The following SPOCK3 variants were observed in gnomAD, a reference collection of about 807,000 sequenced individuals.
SPOCK3 encodes the protein SPARC (osteonectin), cwcv and kazal like domains proteoglycan 3, also known as testican-3.
Under a neutral mutation model 56.6 loss-of-function variants are expected in SPOCK3, and 30 were observed. The ratio of observed to expected loss-of-function variants is 0.53; its 90% CI spans 0.40 to 0.72. The LOEUF is 0.72. Among genes scored for constraint, SPOCK3 ranks in the 30% least tolerant of loss-of-function variants. The pLI, the probability that SPOCK3 is intolerant of heterozygous loss-of-function variation, is 0.00. For synonymous variants in SPOCK3, 196 were observed against 183.3 expected (o/e 1.07, Z -0.56); for missense variants, 527 against 530.0 (o/e 0.99, Z 0.06).
At chr4:167,116,734 C>CATATAGTATATATACGT (rs1254505974) in intron 2 of SPOCK3, among the ~76,000 whole-genome samples, 9 of 130,786 alleles carry the variant, frequency 6.9e-5, no homozygotes, top group African/African-American at 2.5e-4. Flanking sequence ...TATATACACA[C>CATATAGTATATATACGT]ATATAGTATA....
intron 2 of SPOCK3, among the ~76,000 whole-genome samples, chr4:167,128,970 T>C (rs1326983155): frequency 2.0e-5 from 3 of 152,112 alleles, no homozygotes; most frequent in Non-Finnish European, 4.4e-5. Context: ...GTGAAATGCA[T>C]TGATGAGAAA....
At chr4:167,199,761 C>T (rs1376590621) in intron 2 of SPOCK3, among the ~76,000 whole-genome samples, 1 of 148,908 alleles carries the variant, frequency 6.7e-6, no homozygotes, top group African/African-American at 2.4e-5. Flanking sequence ...ATACAAGTAT[C>T]TATGATTATC....
At chr4:167,169,958 C>T (rs565374034) in intron 2 of SPOCK3, among the ~76,000 whole-genome samples, 48 of 152,228 alleles carry the variant, frequency 3.2e-4, no homozygotes, top group Non-Finnish European at 5.3e-4. Flanking sequence ...TGTGACTTTG[C>T]TTTTCATTCT....
chr4:167,202,872 C>T (rs1733655620), intron 2 of SPOCK3, among the ~76,000 whole-genome samples: 1 of 151,666 alleles, frequency 6.6e-6, no homozygotes, highest in African/African-American at 2.4e-5. Flanking sequence ...ACCATTTGGC[C>T]TATATTTAAA....
intron 2 of SPOCK3, among the ~76,000 whole-genome samples, chr4:167,154,077 T>A (rs1358847161): frequency 6.6e-6 from 1 of 152,154 alleles, no homozygotes; most frequent in Non-Finnish European, 1.5e-5. Flanking sequence ...TCTGTTATAT[T>A]TTGATAAATT....
chr4:166,755,391 G>A (rs996656063), intron 7 of SPOCK3, among the ~76,000 whole-genome samples: 1 of 152,094 alleles, frequency 6.6e-6, no homozygotes, highest in African/African-American at 2.4e-5. Flanking sequence ...ACGGAACTGG[G>A]TTTGTATTCA....
intron 4 of SPOCK3, among the ~76,000 whole-genome samples, chr4:166,925,387 A>C (rs947271567): frequency 1.2e-4 from 18 of 152,198 alleles, no homozygotes; most frequent in African/African-American, 3.6e-4. Context: ...AGAAGAAAAA[A>C]CGTATTCCCC....
chr4:166,813,134 A>T (rs1744010995), intron 6 of SPOCK3, among the ~76,000 whole-genome samples: 1 of 152,108 alleles, frequency 6.6e-6, no homozygotes, highest in Non-Finnish European at 1.5e-5. Context: ...CATAAACCTT[A>T]AAATGATTTA....
intron 3 of SPOCK3, among the ~76,000 whole-genome samples, chr4:167,013,305 C>A (rs944234519): frequency 6.6e-6 from 1 of 151,766 alleles, no homozygotes; most frequent in Non-Finnish European, 1.5e-5. Context: ...ATTTATTCTA[C>A]TATTGTTCTA....
At chr4:166,981,953 C>T (rs1746623847) in intron 4 of SPOCK3, among the ~76,000 whole-genome samples, 1 of 152,206 alleles carries the variant, frequency 6.6e-6, no homozygotes, top group Admixed American at 6.5e-5. Flanking sequence ...AGAGCAGATG[C>T]CAGAGTTCGG....
At chr4:166,870,145 G>T (rs1276678240) in intron 6 of SPOCK3, among the ~76,000 whole-genome samples, 1 of 151,992 alleles carries the variant, frequency 6.6e-6, no homozygotes, top group Non-Finnish European at 1.5e-5. Context: ...TCACCAGAGG[G>T]CAATGCTGGT....
At chr4:166,752,571 TATACACACAC>T (rs1404318804) in intron 8 of SPOCK3, among the ~76,000 whole-genome samples, 135 of 13,318 alleles carry the variant, frequency 0.01, 1 homozygote, top group African/African-American at 0.033. Flanking sequence ...TATATATATA[TATACACACAC>T]ACACACACAC....
At chr4:167,016,878 T>A (rs370036403) in intron 3 of SPOCK3, among the ~76,000 whole-genome samples, 78 of 152,224 alleles carry the variant, frequency 5.1e-4, no homozygotes, top group African/African-American at 1.8e-3. Context: ...GCTTTGGAAG[T>A]GTTTCCCAGA....
chr4:167,169,605 G>A (rs537867314), intron 2 of SPOCK3, among the ~76,000 whole-genome samples: 1 of 152,136 alleles, frequency 6.6e-6, no homozygotes, highest in Non-Finnish European at 1.5e-5. Context: ...GACTCGCATT[G>A]TCTCAGATGA....
At chr4:167,213,490 CTTTAATA>C (rs1191406295) in intron 2 of SPOCK3, among the ~76,000 whole-genome samples, 2 of 152,000 alleles carry the variant, frequency 1.3e-5, no homozygotes, top group Admixed American at 6.6e-5. Context: ...AGTGAGAAAA[CTTTAATA>C]TTTAACAAGA....
chr4:166,755,373 G>A (rs1736936710), intron 7 of SPOCK3, among the ~76,000 whole-genome samples: 1 of 152,098 alleles, frequency 6.6e-6, no homozygotes, highest in Admixed American at 6.6e-5. Context: ...AGCAGGTATA[G>A]AGAGATGACG....
intron 3 of SPOCK3, among the ~76,000 whole-genome samples, chr4:167,011,752 T>C (rs1473293053): frequency 1.3e-5 from 2 of 152,202 alleles, no homozygotes; most frequent in East Asian, 1.9e-4. Flanking sequence ...AAAAGACCTA[T>C]TGCTTTTATT....
At chr4:167,105,819 A>G (rs769058082) in intron 2 of SPOCK3, among the ~76,000 whole-genome samples, 1 of 151,986 alleles carries the variant, frequency 6.6e-6, no homozygotes, top group African/African-American at 2.4e-5. Context: ...GCCAATGGAA[A>G]CCAAAAAAAG....
At chr4:166,815,817 T>C (rs905935507) in intron 6 of SPOCK3, among the ~76,000 whole-genome samples, 3 of 152,044 alleles carry the variant, frequency 2.0e-5, no homozygotes, top group Non-Finnish European at 2.9e-5. Flanking sequence ...CCTCTACTAA[T>C]AGGTTTTTAT....
Sources: allele counts gnomAD v4.1 joint callset (sites outside exome capture counted in the v4.1 genomes callset), GRCh38; gene constraint gnomAD v4.1.1; transcripts MANE v1.5; gene names NCBI Gene and HGNC (gene_info 2026-07-23, HGNC 2026-07-21).